The following RFTN1 variants were observed in gnomAD, a reference collection of about 807,000 sequenced individuals.
The protein encoded by RFTN1 is raftlin.
RFTN1 carries 26 observed loss-of-function variants against 46.5 expected under a neutral mutation model. The observed-to-expected ratio is 0.56, with a 90% confidence interval of 0.41 to 0.78. RFTN1 has a LOEUF of 0.78. RFTN1 is among the 30% of genes least tolerant of loss of function. The pLI is 0.00. For synonymous variants in RFTN1, 261 were observed against 284.2 expected, an observed-to-expected ratio of 0.92 and a Z score of 0.82; for missense variants, 693 against 718.7, an observed-to-expected ratio of 0.96 and a Z score of 0.41.
Position 16,402,636 on chromosome 3 carries a change from T to A in RFTN1, c.441+6739A>T, listed in dbSNP as rs555543049. On this transcript the variant is annotated intron_variant, in intron 4 of 9. Transcript: ENST00000334133. This position sits in a 1 kb window ranked among gnomAD's most constrained non-coding sequence, Gnocchi z 4.5. ...CAACAATCAGCCAGAAAGTAAATGATGAGTCATTTACATAACAGGCAAAAT... is the reference window on the plus strand; with the variant it reads ...CAACAATCAGCCAGAAAGTAAATGAAGAGTCATTTACATAACAGGCAAAAT... 6.6e-6 allele frequency among the ~76,000 whole-genome samples: 1 copy of A among 152,290 alleles called. No homozygotes were observed. The highest frequency in any genetic ancestry group is 2.4e-5 in the African/African-American group (1 of 41,542).
In RFTN1 at chr3:16,504,051, T is replaced by C. The variant is rs1390799812; in HGVS notation, c.-9+9391A>G. ...TATATATAACACCCAGAACAACATA[T>C]GGCAGAGATTCTGAGGATTTCTCCG... is the stretch of plus-strand genomic sequence containing the variant. On this transcript the variant is annotated intron_variant, in intron 1 of 9. Transcript: ENST00000334133. This position sits in a 1 kb window ranked among gnomAD's most constrained non-coding sequence, Gnocchi z 4.4. 6.6e-6 allele frequency among the ~76,000 whole-genome samples: 1 copy of C among 152,162 alleles called. No homozygotes were observed. Among genetic ancestry groups the C allele is most frequent in the East Asian group, 1.9e-4 (1 of 5,200 alleles).
intron 4 of RFTN1, among the ~76,000 whole-genome samples, chr3:16,396,985 C>T (rs2074483199): frequency 2.0e-5 from 3 of 150,914 alleles, no homozygotes; most frequent in African/African-American, 2.4e-5. Context: ...ATCGCTTGAA[C>T]CTGGGAGGCA....
rs532670181 is a variant in RFTN1 at position 16,424,425 on chromosome 3, C to T, written c.332+9426G>A. Among the ~76,000 whole-genome samples, 282 of 152,176 alleles carry T rather than the reference C, an allele frequency of 1.9e-3. 1 individual carries two copies. Among genetic ancestry groups the T allele is most frequent in the Middle Eastern group, 3.4e-3 (1 of 294 alleles). ...TCTGCTGAAAGCACAGTAATGTTTT[C>T]GACAAATATTAACAACAGAAACAAC... On this transcript the variant is annotated intron_variant, in intron 3 of 9. Coordinates refer to ENST00000334133, the MANE Select transcript of RFTN1 (RefSeq NM_015150.2). This position sits in a 1 kb window ranked among gnomAD's most constrained non-coding sequence, Gnocchi z 4.7.
At chr3:16,471,207 A>G (rs918743243) in intron 2 of RFTN1, among the ~76,000 whole-genome samples, 13 of 152,316 alleles carry the variant, frequency 8.5e-5, no homozygotes, top group African/African-American at 3.1e-4. Flanking sequence ...ACTATAAATC[A>G]AGGCCTATAA....
At chr3:16,405,986 C>CAT (rs2074847810) in intron 4 of RFTN1, among the ~76,000 whole-genome samples, 1 of 152,236 alleles carries the variant, frequency 6.6e-6, no homozygotes, top group Non-Finnish European at 1.5e-5. Flanking sequence ...GTCACCACTA[C>CAT]ATATATATAA....
At position 16,443,201 on chromosome 3, in the gene RFTN1, G is replaced by T. The variant is rs1056420757; in HGVS notation, c.146-9164C>A. Among the ~76,000 whole-genome samples the T allele has an allele frequency of 3.9e-5, 6 of 152,106 alleles. No homozygotes were observed. The highest frequency in any genetic ancestry group is 7.4e-5 in the Non-Finnish European group (5 of 68,026). ...TACATTCCCACCAACGGGGTGCAAGGGTTCTCTTATACTTCACATCCTCAC... is the reference window on the plus strand; with the variant it reads ...TACATTCCCACCAACGGGGTGCAAGTGTTCTCTTATACTTCACATCCTCAC... On this transcript the variant is annotated intron_variant, in intron 2 of 9. Coordinates refer to ENST00000334133, the MANE Select transcript of RFTN1 (RefSeq NM_015150.2). The surrounding 1 kb of genome is among the most constrained non-coding windows in gnomAD (Gnocchi z 5.5).
chr3:16,417,532 G>A (rs1350060821), intron 3 of RFTN1, among the ~76,000 whole-genome samples: 1 of 152,158 alleles, frequency 6.6e-6, no homozygotes, highest in Non-Finnish European at 1.5e-5. Context: ...CCCCTATTCT[G>A]TGTCAGGTTG....
chr3:16,364,756 T>C (rs1295655268), intron 6 of RFTN1, among the ~76,000 whole-genome samples: 3 of 152,324 alleles, frequency 2.0e-5, no homozygotes, highest in African/African-American at 2.4e-5. Flanking sequence ...TGAGAGAAAA[T>C]GGTCTTCAAT....
At chr3:16,355,334 T>C (rs1255785142) in intron 7 of RFTN1, among the ~76,000 whole-genome samples, 2 of 152,268 alleles carry the variant, frequency 1.3e-5, no homozygotes, top group African/African-American at 4.8e-5. Context: ...CTGGGTAATT[T>C]ATAAATAATA....
intron 2 of RFTN1, among the ~76,000 whole-genome samples, chr3:16,434,432 T>C (rs1173634729): frequency 6.6e-6 from 1 of 151,828 alleles, no homozygotes; most frequent in Non-Finnish European, 1.5e-5. Flanking sequence ...CCAGTGCTTG[T>C]GGTCCTGGCT....
chr3:16,445,497 A>T (rs1257994203), intron 2 of RFTN1, among the ~76,000 whole-genome samples: 6 of 148,960 alleles, frequency 4.0e-5, no homozygotes, highest in Non-Finnish European at 5.9e-5. Flanking sequence ...ACACACACAC[A>T]CACACACACA....
rs1367843660 is a variant in RFTN1, at chr3:16,329,599, C to T, written c.1147-2723G>A. 2.6e-5 allele frequency among the ~76,000 whole-genome samples: 4 copies of T among 152,178 alleles called. No individual in the cohort carries two copies. Among genetic ancestry groups the T allele is most frequent in the African/African-American group, 4.8e-5 (2 of 41,458 alleles). ...CCCGTATTCCTCCTGCTGGGTGCCA[C>T]GCTCACCACCTGCTGAAGGAGTCCT... On this transcript the variant is annotated intron_variant, in intron 7 of 9. Coordinates refer to ENST00000334133, the MANE Select transcript of RFTN1 (RefSeq NM_015150.2). The surrounding 1 kb of genome is among the most constrained non-coding windows in gnomAD (Gnocchi z 4.5).
rs930462426 is a variant in RFTN1 at position 16,413,910 on chromosome 3, C to T, written c.333-4427G>A. Among the ~76,000 whole-genome samples the T allele has an allele frequency of 6.6e-6, 1 of 152,196 alleles. No individual in the cohort carries two copies. The highest frequency in any genetic ancestry group is 2.4e-5 in the African/African-American group (1 of 41,438). On this transcript the variant is annotated intron_variant, in intron 3 of 9. Transcript: ENST00000334133. This position sits in a 1 kb window ranked among gnomAD's most constrained non-coding sequence, Gnocchi z 4.7. ...ACTTAAACTTTCTGTGCTTCAGTTT[C>T]TTTCACTAATGAATGGGATATTATA...
At chr3:16,393,058 T>TCAAA (rs72329767) in intron 4 of RFTN1, among the ~76,000 whole-genome samples, 5 of 23,088 alleles carry the variant, frequency 2.2e-4, no homozygotes, top group Non-Finnish European at 3.7e-4. Flanking sequence ...GAGCTCAGCA[T>TCAAA]CAAACAAACA....
chr3:16,392,989 AG>A (rs1358822082), intron 4 of RFTN1, among the ~76,000 whole-genome samples: 1 of 152,228 alleles, frequency 6.6e-6, no homozygotes, highest in African/African-American at 2.4e-5. Context: ...GGAAACACAC[AG>A]GCTCTTGCTC....
intron 5 of RFTN1, among the ~76,000 whole-genome samples, chr3:16,373,494 G>C (rs1247580594): frequency 2.6e-5 from 4 of 152,246 alleles, no homozygotes; most frequent in African/African-American, 9.6e-5. Context: ...AGAGGCAGCT[G>C]TCCAGCCCTG....
chr3:16,418,548 G>T lies in RFTN1; in HGVS notation c.333-9065C>A, dbSNP rs535131390. ...AAACAGATTACTAGGCACTTCTCCA[G>T]CCAGGAAAAAAAATACTAAACGTCA... On this transcript the variant is annotated intron_variant, in intron 3 of 9. Coordinates refer to ENST00000334133, the MANE Select transcript of RFTN1 (RefSeq NM_015150.2). This position sits in a 1 kb window ranked among gnomAD's most constrained non-coding sequence, Gnocchi z 5.0. Among the ~76,000 whole-genome samples, 1 of 152,140 alleles carries T rather than the reference G, an allele frequency of 6.6e-6. No homozygotes were observed. Among genetic ancestry groups the T allele is most frequent in the African/African-American group, 2.4e-5 (1 of 41,486 alleles).
At position 16,440,809 on chromosome 3, in the gene RFTN1, C is replaced by G. The variant is rs543024409; in HGVS notation, c.146-6772G>C. On this transcript the variant is annotated intron_variant, in intron 2 of 9. Coordinates refer to ENST00000334133, the MANE Select transcript of RFTN1 (RefSeq NM_015150.2). This position sits in a 1 kb window ranked among gnomAD's most constrained non-coding sequence, Gnocchi z 4.6. ...AATTTTTTTCTCAATCCCATATGGCCAAAGTCAAGACCTAGCAGCCTGCAG... is the reference window on the plus strand; with the variant it reads ...AATTTTTTTCTCAATCCCATATGGCGAAAGTCAAGACCTAGCAGCCTGCAG... Among the ~76,000 whole-genome samples, 153 of 152,176 alleles carry G rather than the reference C, an allele frequency of 1.0e-3. No homozygotes were observed. In the Middle Eastern group the frequency reaches 0.027, roughly 27 times the overall value.
At chr3:16,354,009 A>G (rs540628752) in intron 7 of RFTN1, among the ~76,000 whole-genome samples, 1 of 152,360 alleles carries the variant, frequency 6.6e-6, no homozygotes, top group African/African-American at 2.4e-5. Flanking sequence ...TGTGTTTTAA[A>G]AAGTTCTCCA....
Sources: gnomAD v4.1 joint callset for allele counts (sites outside exome capture counted in the v4.1 genomes callset) on GRCh38, gnomAD v4.1.1 for gene constraint, Gnocchi (gnomAD v3.1) non-coding constraint, MANE v1.5 for transcripts, NCBI Gene and HGNC (gene_info 2026-07-23, HGNC 2026-07-21) for gene names.